ATG14: variants seen among roughly 807,000 people sequenced by gnomAD.
ATG14 encodes the protein beclin 1-associated autophagy-related key regulator.
ATG14 carries 35 observed loss-of-function variants against 60.4 expected under a neutral mutation model. The observed-to-expected ratio is 0.58, with a 90% CI of 0.44 to 0.77. The LOEUF (loss-of-function observed/expected upper bound fraction) is 0.77, where lower values mean the gene tolerates loss of function less well. Among genes scored for constraint, ATG14 ranks in the 30% least tolerant of loss-of-function variants. The pLI is 0.00. For synonymous variants in ATG14, 234 were observed against 228.8 expected (o/e 1.02, Z -0.21); for missense variants, 647 against 626.3 (o/e 1.03, Z -0.35).
In ATG14 at chr14:55,382,186, G is replaced by A; in HGVS notation, c.653C>T (p.Pro218Leu). ...GTCACTCTCTGAAGACACATCTGCG[G>A]GGTCTCTACAAGTAGGAAGACACAC... ...IEEVKTGVRD[P>L]ADVSSESDSA... Residue 218 changes from proline (P) to leucine (L), a missense_variant, in exon 6 of 10, where the codon CCC becomes CTC. Pro to Leu is a moderately conservative substitution (Grantham distance 98). Coordinates refer to ENST00000247178, the MANE Select transcript of ATG14 (RefSeq NM_014924.5). The A allele has an allele frequency of 1.9e-6, 3 of 1,614,150 alleles. No homozygotes were observed. The highest frequency in any genetic ancestry group is 1.3e-5 in the African/African-American group (1 of 75,050).
intron 4 of ATG14, among the ~76,000 whole-genome samples, chr14:55,386,427 C>A (rs1329264776): frequency 6.6e-6 from 1 of 152,192 alleles, no homozygotes; most frequent in Non-Finnish European, 1.5e-5. Context: ...TCACATTGGG[C>A]AGAAAAGAGA....
In ATG14 at chr14:55,367,292, A is replaced by C. The variant is rs1485863976; in HGVS notation, c.*2327T>G. ...TAAGCTCTTACTTCTGAGGGTTTTA[A>C]GTAGCTAGACAACTCTTACAAGATC... On this transcript the variant is annotated 3_prime_UTR_variant, in exon 10 of 10. Transcript: ENST00000247178. 2 of 152,244 alleles carry C rather than the reference A, an allele frequency of 1.3e-5. No individual in the cohort carries two copies. The highest frequency in any genetic ancestry group is 2.9e-5 in the Non-Finnish European group (2 of 68,038). The allele number at this position is 152,244 out of a possible 1,614,324, so 9.4% of individuals were successfully genotyped here. A position where few individuals can be genotyped will look rare whatever the true frequency, so the allele number is the denominator to read the frequency against.
intron 6 of ATG14, among the ~76,000 whole-genome samples, chr14:55,381,711 A>C (rs1885036793): frequency 6.6e-6 from 1 of 152,232 alleles, no homozygotes; most frequent in Non-Finnish European, 1.5e-5. Flanking sequence ...ATCTATAGAC[A>C]CAGAAAGCAA....
intron 4 of ATG14, among the ~76,000 whole-genome samples, chr14:55,389,372 G>A (rs1566581576): frequency 6.6e-6 from 1 of 152,188 alleles, no homozygotes; most frequent in Non-Finnish European, 1.5e-5. Context: ...GAGAATGCAT[G>A]CAAGACTGGG....
At chr14:55,384,192 A>G (rs1376085016) in intron 5 of ATG14, among the ~76,000 whole-genome samples, 1 of 152,234 alleles carries the variant, frequency 6.6e-6, no homozygotes, top group Non-Finnish European at 1.5e-5. Context: ...GCATATAATA[A>G]CATACACTAA....
Position 55,405,465 on chromosome 14 carries a change from A to T in ATG14, c.221+6137T>A, listed in dbSNP as rs542739769. ...ATTCCTGAAAACATAATTATAAAGT[A>T]GTATCTATATGTTCATACAATTTGT... On this transcript the variant is annotated intron_variant, in intron 1 of 9. Coordinates refer to ENST00000247178, the MANE Select transcript of ATG14 (RefSeq NM_014924.5). 1.3e-4 allele frequency among the ~76,000 whole-genome samples: 20 copies of T among 152,356 alleles called. No homozygotes were observed. In the South Asian group the frequency reaches 4.1e-3, roughly 32 times the overall value.
rs938720804 is a variant in ATG14 at position 55,368,817 on chromosome 14, T to C, written c.*802A>G. 1.3e-5 allele frequency: 2 copies of C among 152,168 alleles called. No homozygotes were observed. Among genetic ancestry groups the C allele is most frequent in the Non-Finnish European group, 2.9e-5 (2 of 68,022 alleles). The allele number at this position is 152,168 out of a possible 1,614,324, so 9.4% of individuals were successfully genotyped here. On this transcript the variant is annotated 3_prime_UTR_variant, in exon 10 of 10. Coordinates refer to ENST00000247178, the MANE Select transcript of ATG14 (RefSeq NM_014924.5). ...TCATGACTTATTTTCACCCAGAAAA[T>C]ATAAGTTCAATTTCAAAATGCTCAT...
intron 3 of ATG14, among the ~76,000 whole-genome samples, chr14:55,392,648 CAAAAAAAAA>C (rs1197794000): frequency 1.9e-5 from 1 of 51,904 alleles, no homozygotes; most frequent in East Asian, 6.4e-4. Flanking sequence ...GACTCCACCT[CAAAAAAAAA>C]AAAAAAAAAA....
intron 9 of ATG14, among the ~76,000 whole-genome samples, chr14:55,372,618 C>T (rs997208469): frequency 1.3e-5 from 2 of 151,836 alleles, no homozygotes; most frequent in Admixed American, 6.6e-5. Flanking sequence ...TCCCTCCCTC[C>T]CTTCCTTTCT....
rs895473893 is a variant in ATG14 at position 55,411,472 on chromosome 14, A to G, written c.221+130T>C. On this transcript the variant is annotated intron_variant, in intron 1 of 9. Coordinates refer to ENST00000247178, the MANE Select transcript of ATG14 (RefSeq NM_014924.5). ...AAGCTCCGGTGCAGAGCAGCTAGCT[A>G]CACTCCCTCTCTCTCGCTCCTCTCG... is the stretch of plus-strand genomic sequence containing the variant. The G allele has an allele frequency of 1.5e-5, 14 of 908,610 alleles. No individual in the cohort carries two copies. In the African/African-American group the frequency reaches 2.3e-4, roughly 15 times the overall value. The allele number at this position is 908,610 out of a possible 1,614,324, so 56.3% of individuals were successfully genotyped here. A position where few individuals can be genotyped will look rare whatever the true frequency, so the allele number is the denominator to read the frequency against.
At chr14:55,404,004 G>T (rs1566586020) in intron 1 of ATG14, among the ~76,000 whole-genome samples, 1 of 152,122 alleles carries the variant, frequency 6.6e-6, no homozygotes, top group Non-Finnish European at 1.5e-5. Flanking sequence ...AAAATTTGAT[G>T]GGATGGAAAT....
chr14:55,411,550 G>A (rs540920640), intron 1 of ATG14, 52 bp downstream of exon 1: 6 of 1,534,372 alleles, frequency 3.9e-6, no homozygotes, highest in South Asian at 2.4e-5. Flanking sequence ...TCGGCTGCCT[G>A]GCTGGAGGAC....
At position 55,380,741 on chromosome 14, in the gene ATG14, T is replaced by A. The variant is rs779934610; in HGVS notation, c.878-51A>T. The A allele has an allele frequency of 2.4e-6, 3 of 1,239,920 alleles. No individual in the cohort carries two copies. In the South Asian group the frequency reaches 3.9e-5, roughly 16 times the overall value. 76.8% of individuals were successfully genotyped at this position (1,239,920 alleles called of 1,614,324 possible). ...TACAAAACCTTAATTCCAACAAAAC[T>A]ACTAATAATCCACGAGTTTATCATT... On this transcript the variant is annotated intron_variant, in intron 6 of 9. Coordinates refer to ENST00000247178, the MANE Select transcript of ATG14 (RefSeq NM_014924.5).
intron 1 of ATG14, 29 bp downstream of exon 1, chr14:55,411,573 A>C: frequency 6.3e-7 from 1 of 1,581,794 alleles, no homozygotes; most frequent in Non-Finnish European, 8.6e-7. Context: ...ACAGCAGAAG[A>C]AACAATAGGG....
At chr14:55,380,743 C>T (rs1885014728) in intron 6 of ATG14, 53 bp from the exon 7 acceptor site, 3 of 1,228,960 alleles carry the variant, frequency 2.4e-6, no homozygotes, top group Admixed American at 2.0e-5. Flanking sequence ...AACAAAACTA[C>T]TAATAATCCA....
intron 6 of ATG14, among the ~76,000 whole-genome samples, 188 bp downstream of exon 6, chr14:55,381,774 T>C (rs1885037878): frequency 6.6e-6 from 1 of 152,182 alleles, no homozygotes; most frequent in South Asian, 2.1e-4. Context: ...TGTGACACTT[T>C]CATGCCATGG....
At position 55,384,272 on chromosome 14, in the gene ATG14, GAA is replaced by G. The variant is rs60732539; in HGVS notation, c.647+1585_647+1586del. On this transcript the variant is annotated intron_variant, in intron 5 of 9. Transcript: ENST00000247178. ...CTCCTCGTGTGTGTATTTTCTTTTT[GAA>G]AAAAGTCAGCCTTACAGAAAAGCTG... Among the ~76,000 whole-genome samples the G allele has an allele frequency of 3.3e-5, 5 of 152,026 alleles. 1 individual carries two copies. The highest frequency in any genetic ancestry group is 7.4e-5 in the Non-Finnish European group (5 of 67,986).
chr14:55,394,910 T>G, intron 3 of ATG14: 1 of 377,224 alleles, frequency 2.7e-6, no homozygotes, highest in Non-Finnish European at 5.1e-6. Flanking sequence ...GTCTTCTGGT[T>G]GTACCAAAAA....
chr14:55,396,101 G>A (rs533405296), intron 2 of ATG14, 119 bp from the exon 3 acceptor site: 11 of 662,180 alleles, frequency 1.7e-5, no homozygotes, highest in East Asian at 6.4e-5. Flanking sequence ...ATATCAAAAC[G>A]GGACTTAGCA....
Sources: allele counts gnomAD v4.1 joint callset (sites outside exome capture counted in the v4.1 genomes callset), GRCh38; gene constraint gnomAD v4.1.1; transcripts MANE v1.5; gene names NCBI Gene and HGNC (gene_info 2026-07-23, HGNC 2026-07-21).